ASTN1: variants seen among roughly 807,000 people sequenced by gnomAD.
ASTN1 encodes the protein astrotactin 1.
In ASTN1, 41 loss-of-function variants were observed where a neutral mutation model predicts 140.7. The observed-to-expected ratio is 0.29, with a 90% CI of 0.23 to 0.38. The LOEUF is 0.38. Ranked by LOEUF, ASTN1 falls within the 10% of genes least tolerant of loss-of-function variation. The pLI is 1.00. For synonymous variants in ASTN1, 640 were observed against 652.2 expected, an observed-to-expected ratio of 0.98 and a Z score of 0.29; for missense variants, 1,479 against 1,678.8, an observed-to-expected ratio of 0.88 and a Z score of 2.08.
chr1:177,095,611 A>G (rs1679991702), intron 1 of ASTN1, among the ~76,000 whole-genome samples: 1 of 152,146 alleles, frequency 6.6e-6, no homozygotes, highest in African/African-American at 2.4e-5. Flanking sequence ...TCTCCCCTAT[A>G]TGAAGTGCAT....
chr1:176,944,116 T>G, intron 13 of ASTN1, 98 bp from the exon 14 acceptor site: 2 of 1,494,968 alleles, frequency 1.3e-6, no homozygotes, highest in Non-Finnish European at 1.8e-6. Context: ...TCACTCTTGT[T>G]GCCCAGGCTG....
chr1:176,860,645 T>C (rs1301949258), downstream of ASTN1, among the ~76,000 whole-genome samples: 2 of 152,224 alleles, frequency 1.3e-5, no homozygotes, highest in Non-Finnish European at 1.5e-5. Flanking sequence ...GGCCAAAGTA[T>C]AAATTTCAGC....
At chr1:177,086,646 G>T (rs972538288) in intron 1 of ASTN1, among the ~76,000 whole-genome samples, 4 of 152,062 alleles carry the variant, frequency 2.6e-5, no homozygotes, top group Non-Finnish European at 4.4e-5. Flanking sequence ...AGAGTCAAAT[G>T]ATTTTTTAAA....
intron 12 of ASTN1, 75 bp from the exon 13 acceptor site, chr1:176,946,195 G>A: frequency 7.6e-7 from 1 of 1,315,824 alleles, no homozygotes; most frequent in Non-Finnish European, 1.0e-6. Flanking sequence ...CCCGTATATT[G>A]GGAGGAAATG....
intron 21 of ASTN1, among the ~76,000 whole-genome samples, chr1:176,870,503 G>C (rs903374417): frequency 1.3e-5 from 2 of 152,230 alleles, no homozygotes; most frequent in Admixed American, 1.3e-4. Context: ...ACAGGAGCCA[G>C]ATTGTATGCC....
chr1:176,934,240 G>C lies in ASTN1; in HGVS notation c.2583C>G (p.Ile861Met). The C allele has an allele frequency of 6.2e-7, 1 of 1,614,076 alleles. No individual in the cohort carries two copies. Among genetic ancestry groups the C allele is most frequent in the Non-Finnish European group, 8.5e-7 (1 of 1,179,980 alleles). The change falls in exon 16 of 23, where the codon ATC becomes ATG. Residue 861 changes from isoleucine (I) to methionine (M), a missense_variant. By Grantham distance (10) the Ile-to-Met change is conservative. Around this residue, in one of 3 missense-constraint regions of ASTN1, gnomAD observed 746 missense variants for 800.9 expected, o/e 0.93. Coordinates refer to ENST00000361833, the MANE Select transcript of ASTN1 (RefSeq NM_004319.3). ...TAGAACAGGACTCCTCAAAGCCGTAGATAGCTTCCTGGATGTAATGGTTGC... is the reference window on the plus strand; with the variant it reads ...TAGAACAGGACTCCTCAAAGCCGTACATAGCTTCCTGGATGTAATGGTTGC... ...QFGNHYIQEAIYGFEESCSIW... is the reference protein window; with the variant it reads ...QFGNHYIQEAMYGFEESCSIW...
chr1:177,018,751 C>A (rs1046606184), intron 7 of ASTN1, among the ~76,000 whole-genome samples: 2 of 152,148 alleles, frequency 1.3e-5, no homozygotes, highest in African/African-American at 2.4e-5. Flanking sequence ...GTCACTGAAA[C>A]CAGGTAGTCT....
chr1:177,099,971 G>A (rs188363986), intron 1 of ASTN1, among the ~76,000 whole-genome samples: 5 of 152,276 alleles, frequency 3.3e-5, no homozygotes, highest in East Asian at 3.9e-4. Context: ...GCTCTTACAC[G>A]TCAGGGAACC....
chr1:176,973,324 T>C (rs1673222309), intron 8 of ASTN1, among the ~76,000 whole-genome samples: 1 of 152,236 alleles, frequency 6.6e-6, no homozygotes, highest in Non-Finnish European at 1.5e-5. Context: ...TTCTTCCTTC[T>C]TTCTTCACAT....
chr1:176,868,905 T>G lies in ASTN1; in HGVS notation c.3586A>C (p.Asn1196His). ...TCCCCAAAACTCTCATAGTGCTGGT[T>G]ATAGTGGTAGAGGACCCGGTGTAAG... ...PTLHRVLYHY[N>H]QHYESFGEFT... The change falls in exon 22 of 23, where the codon AAC (asparagine) becomes CAC (histidine). Residue 1196 changes from asparagine to histidine, a missense_variant. Transcript: ENST00000361833. The G allele has an allele frequency of 6.2e-7, 1 of 1,611,942 alleles. No homozygotes were observed. Among genetic ancestry groups the G allele is most frequent in the Non-Finnish European group, 8.5e-7 (1 of 1,178,592 alleles).
At position 176,944,032 on chromosome 1, in the gene ASTN1, A is replaced by G. The variant is rs1349284337; in HGVS notation, c.2250-14T>C. The G allele has an allele frequency of 6.2e-7, 1 of 1,612,716 alleles. No individual in the cohort carries two copies. Among genetic ancestry groups the G allele is most frequent in the South Asian group, 1.1e-5 (1 of 90,896 alleles). On this transcript the variant is annotated splice_polypyrimidine_tract_variant and intron_variant, in intron 13 of 22. Transcript: ENST00000361833. ...AAGTTGTTTTGCCTAGAAAGAGGGTAGACCTTCATTTCTGAGTGTTCAGGT... is the reference window on the plus strand; with the variant it reads ...AAGTTGTTTTGCCTAGAAAGAGGGTGGACCTTCATTTCTGAGTGTTCAGGT...
intron 7 of ASTN1, among the ~76,000 whole-genome samples, chr1:177,019,582 C>G (rs1040204519): frequency 4.6e-5 from 7 of 152,182 alleles, no homozygotes; most frequent in African/African-American, 1.7e-4. Context: ...TCAAGTGCAT[C>G]CAAGTTCAAA....
intron 1 of ASTN1, among the ~76,000 whole-genome samples, chr1:177,161,293 G>A (rs192206661): frequency 7.9e-5 from 12 of 152,266 alleles, no homozygotes; most frequent in Admixed American, 5.2e-4. Context: ...CAGGCAGGCC[G>A]ATCCCCACAC....
chr1:176,876,971 C>G (rs941150781), intron 20 of ASTN1, among the ~76,000 whole-genome samples: 1 of 152,164 alleles, frequency 6.6e-6, no homozygotes, highest in Non-Finnish European at 1.5e-5. Context: ...AGACCCTAGC[C>G]CAGACCCACT....
At chr1:176,909,661 A>C (rs889857010) in intron 16 of ASTN1, among the ~76,000 whole-genome samples, 1 of 152,182 alleles carries the variant, frequency 6.6e-6, no homozygotes, top group Non-Finnish European at 1.5e-5. Context: ...TGGTATATAA[A>C]TGACAGCCTC....
intron 2 of ASTN1, among the ~76,000 whole-genome samples, chr1:177,051,861 G>GTGGA (rs1558060246): frequency 6.6e-6 from 1 of 152,154 alleles, no homozygotes; most frequent in Admixed American, 6.5e-5. Flanking sequence ...TCTTGTATGT[G>GTGGA]TGGATACCTG....
chr1:176,965,307 G>A (rs1672831447), intron 8 of ASTN1, 70 bp from the exon 9 acceptor site: 1 of 1,523,722 alleles, frequency 6.6e-7, no homozygotes, highest in Non-Finnish European at 9.1e-7. Flanking sequence ...CTTCGTATCA[G>A]GCACAGTGCT....
At chr1:176,964,498 G>C (rs1488402492) in intron 9 of ASTN1, among the ~76,000 whole-genome samples, 1 of 152,148 alleles carries the variant, frequency 6.6e-6, no homozygotes, top group Admixed American at 6.5e-5. Flanking sequence ...GGCCTAATAT[G>C]AATTAAACTT....
chr1:177,141,240 A>T (rs765472036), intron 1 of ASTN1, among the ~76,000 whole-genome samples: 5 of 152,136 alleles, frequency 3.3e-5, no homozygotes, highest in Admixed American at 3.3e-4. Flanking sequence ...CAAACAAAAA[A>T]AACAAAGAGC....
Sources: allele counts gnomAD v4.1 joint callset (sites outside exome capture counted in the v4.1 genomes callset), GRCh38; gene constraint gnomAD v4.1.1; regional missense constraint gnomAD v4.1.1; transcripts MANE v1.5; gene names NCBI Gene and HGNC (gene_info 2026-07-23, HGNC 2026-07-21).